Variants in PCDH11X observed in about 807,000 individuals in gnomAD.
The protein encoded by PCDH11X is protocadherin 11 X-linked.
Under a neutral mutation model 53.3 loss-of-function variants are expected in PCDH11X, and 18 were observed. The ratio of observed to expected loss-of-function variants is 0.34; its 90% CI spans 0.23 to 0.50. PCDH11X has a LOEUF of 0.50. PCDH11X is among the 20% of genes least tolerant of loss of function. The probability of loss-of-function intolerance (pLI) is 0.98; values close to 1 mark genes in which losing one functional copy is unlikely to be tolerated. For missense variants in PCDH11X, 570 were observed against 1,032.4 expected, an observed-to-expected ratio of 0.55 and a Z score of 6.14; for synonymous variants, 279 against 393.3, an observed-to-expected ratio of 0.71 and a Z score of 3.44.
intron 6 of PCDH11X, among the ~76,000 whole-genome samples, chrX:92,173,730 C>T (rs1402777787): frequency 9.2e-6 from 1 of 109,268 alleles, no homozygotes; most frequent in African/African-American, 3.3e-5. Flanking sequence ...TAGTTCACAC[C>T]TGTAATTCTA....
chrX:92,575,845 C>T (rs2148778928), intron 10 of PCDH11X, among the ~76,000 whole-genome samples: 1 of 92,381 alleles, frequency 1.1e-5, no homozygotes. Context: ...CTCCTAGTAT[C>T]ATGCACTGAC....
intron 6 of PCDH11X, among the ~76,000 whole-genome samples, chrX:91,997,171 G>A (rs2062434536): frequency 9.0e-6 from 1 of 111,460 alleles, no homozygotes; most frequent in Non-Finnish European, 1.9e-5. Context: ...TGCAAACACA[G>A]AAAATTTTAC....
Position 92,211,057 on chromosome X carries a change from G to A in PCDH11X, c.3114+9602G>A, listed in dbSNP as rs139368244. On this transcript the variant is annotated intron_variant, in intron 7 of 10. Coordinates refer to ENST00000682573, the MANE Select transcript of PCDH11X (RefSeq NM_032968.5). Reference sequence around the variant, plus strand: ...TTCTGCATTTTCAGATAACTGTATAGCAATGCCCCACTTCTCTGGTACCAA... The same window carrying A: ...TTCTGCATTTTCAGATAACTGTATAACAATGCCCCACTTCTCTGGTACCAA... Among the ~76,000 whole-genome samples the A allele has an allele frequency of 0.022, 2,471 of 111,624 alleles. 95 individuals are homozygous for A. In the East Asian group the frequency reaches 0.23, roughly 11 times the overall value.
chrX:92,153,401 T>C (rs1473816755), intron 6 of PCDH11X, among the ~76,000 whole-genome samples: 1 of 111,507 alleles, frequency 9.0e-6, no homozygotes, highest in Non-Finnish European at 1.9e-5. Flanking sequence ...CTGAGTTTTG[T>C]ATTTAGCCTA....
intron 7 of PCDH11X, among the ~76,000 whole-genome samples, chrX:92,235,146 A>G (rs2067146499): frequency 9.3e-6 from 1 of 107,014 alleles, no homozygotes; most frequent in Non-Finnish European, 1.9e-5. Flanking sequence ...ATATGATAAA[A>G]AAGAAAGAGA....
At chrX:92,050,621 T>G (rs915018629) in intron 6 of PCDH11X, among the ~76,000 whole-genome samples, 1 of 103,725 alleles carries the variant, frequency 9.6e-6, no homozygotes, top group African/African-American at 3.5e-5. Context: ...CATCATGAGC[T>G]TTTCATATAA....
At chrX:92,434,290 T>G (rs1329407939) in intron 9 of PCDH11X, among the ~76,000 whole-genome samples, 1 of 108,928 alleles carries the variant, frequency 9.2e-6, no homozygotes, top group Non-Finnish European at 1.9e-5. Context: ...GAACTACCTT[T>G]CATAACTATC....
rs372990065 is a variant in PCDH11X at position 92,138,672 on chromosome X, A to G, written c.3034-62703A>G. Among the ~76,000 whole-genome samples, 10 of 110,951 alleles carry G rather than the reference A, an allele frequency of 9.0e-5. No homozygotes were observed. In the East Asian group the frequency reaches 2.8e-3, roughly 31 times the overall value. On this transcript the variant is annotated intron_variant, in intron 6 of 10. Coordinates refer to ENST00000682573, the MANE Select transcript of PCDH11X (RefSeq NM_032968.5). ...TTCGTCTTGACTTAAAAAGTGTCCA[A>G]TGTATCAGAGCCCTAAAATTAAATG... is the stretch of plus-strand genomic sequence containing the variant.
chrX:91,841,097 G>A (rs766700339), intron 5 of PCDH11X, among the ~76,000 whole-genome samples: 16 of 110,342 alleles, frequency 1.5e-4, no homozygotes, highest in African/African-American at 5.3e-4. Context: ...GAAAGCTGGG[G>A]TTATTATCAA....
In PCDH11X at chrX:92,537,650, C is replaced by CAA. The variant is rs77743001; in HGVS notation, c.3367+69343_3367+69344dup. 4.1e-3 allele frequency among the ~76,000 whole-genome samples: 306 copies of CAA among 75,015 alleles called. 6 individuals are homozygous for CAA. The highest frequency in any genetic ancestry group is 7.5e-3 in the Middle Eastern group (1 of 134). The allele number at this position is 75,015 out of a possible 115,157, so 65.1% of individuals were successfully genotyped here. A position where few individuals can be genotyped will look rare whatever the true frequency, so the allele number is the denominator to read the frequency against. On this transcript the variant is annotated intron_variant, in intron 10 of 10. Coordinates refer to ENST00000682573, the MANE Select transcript of PCDH11X (RefSeq NM_032968.5). ...ATGAACCCAAATAGCATAACACTGG[C>CAA]AAAAAAAAAAAAAAAACCAGACATA...
In PCDH11X at chrX:92,213,361, A is replaced by T. The variant is rs948589332; in HGVS notation, c.3114+11906A>T. Reference sequence around the variant, plus strand: ...AATAATTTCAATTTATTCAGTCCTTATAGCAGCTTTATTGATGTATAGCCA... The same window carrying T: ...AATAATTTCAATTTATTCAGTCCTTTTAGCAGCTTTATTGATGTATAGCCA... On this transcript the variant is annotated intron_variant, in intron 7 of 10. Coordinates refer to ENST00000682573, the MANE Select transcript of PCDH11X (RefSeq NM_032968.5). Among the ~76,000 whole-genome samples the T allele has an allele frequency of 1.8e-5, 2 of 111,756 alleles. 1 individual carries two copies. Among genetic ancestry groups the T allele is most frequent in the South Asian group, 7.6e-4 (2 of 2,640 alleles).
chrX:92,408,818 G>A (rs2071582863), intron 9 of PCDH11X, among the ~76,000 whole-genome samples: 1 of 108,597 alleles, frequency 9.2e-6, no homozygotes, highest in Admixed American at 9.8e-5. Context: ...TCCTGACCTT[G>A]TGATCCGCCC....
chrX:92,575,982 A>G (rs1272913320), intron 10 of PCDH11X, among the ~76,000 whole-genome samples: 1 of 28,038 alleles, frequency 3.6e-5, no homozygotes, highest in Non-Finnish European at 5.9e-5. Context: ...TGGGGTGTAT[A>G]TATATATATA....
intron 6 of PCDH11X, among the ~76,000 whole-genome samples, chrX:92,051,131 A>G (rs1233620000): frequency 8.9e-6 from 1 of 111,955 alleles, no homozygotes; most frequent in Non-Finnish European, 1.9e-5. Context: ...AATGAAATAT[A>G]GTTCGAAAGC....
chrX:92,606,699 G>T (rs1473972284), intron 10 of PCDH11X, among the ~76,000 whole-genome samples: 1 of 111,355 alleles, frequency 9.0e-6, no homozygotes, highest in African/African-American at 3.3e-5. Flanking sequence ...ACTTTTGTAC[G>T]TCAAAGGATA....
At chrX:92,276,433 G>T (rs1218933505) in intron 8 of PCDH11X, among the ~76,000 whole-genome samples, 3 of 110,299 alleles carry the variant, frequency 2.7e-5, no homozygotes, top group African/African-American at 6.6e-5. Context: ...GATTTCCAGT[G>T]GGGTCCTGCA....
At chrX:91,937,908 G>A (rs958483765) in intron 6 of PCDH11X, among the ~76,000 whole-genome samples, 8 of 110,995 alleles carry the variant, frequency 7.2e-5, no homozygotes, top group East Asian at 2.9e-4. Context: ...CAATAAAGTC[G>A]CCATTAATTT....
intron 6 of PCDH11X, among the ~76,000 whole-genome samples, chrX:91,965,241 T>C (rs2147895340): frequency 9.3e-6 from 1 of 107,489 alleles, no homozygotes; most frequent in East Asian, 3.0e-4. Context: ...ATAATAGAAA[T>C]TACAGTGGTT....
chrX:92,416,651 C>T (rs2071819409), intron 9 of PCDH11X, among the ~76,000 whole-genome samples: 1 of 110,418 alleles, frequency 9.1e-6, no homozygotes, highest in South Asian at 3.8e-4. Flanking sequence ...TTTGAGGTGA[C>T]TTTTACCCCA....
Sources: gnomAD v4.1 joint callset for allele counts (sites outside exome capture counted in the v4.1 genomes callset) on GRCh38, gnomAD v4.1.1 for gene constraint, MANE v1.5 for transcripts, NCBI Gene and HGNC (gene_info 2026-07-23, HGNC 2026-07-21) for gene names.